SPAG6: variants seen among roughly 807,000 people sequenced by gnomAD.
SPAG6 encodes the protein sperm-associated antigen 6.
SPAG6 carries 49 observed loss-of-function variants against 58.5 expected under a neutral mutation model. The observed-to-expected ratio is 0.84, with a 90% CI of 0.67 to 1.06. The LOEUF (loss-of-function observed/expected upper bound fraction) is 1.06, where lower values mean the gene tolerates loss of function less well. Among genes scored for constraint, SPAG6 ranks in the 50% least tolerant of loss-of-function variants. The pLI, the probability that SPAG6 is intolerant of heterozygous loss-of-function variation, is 0.00. For missense variants in SPAG6, 560 were observed against 611.3 expected (o/e 0.92, Z 0.89); for synonymous variants, 233 against 225.6 (o/e 1.03, Z -0.29).
chr10:22,346,506 C>CT (rs1173348188), intron 2 of SPAG6, among the ~76,000 whole-genome samples: 8 of 143,192 alleles, frequency 5.6e-5, no homozygotes, highest in Non-Finnish European at 1.1e-4. Flanking sequence ...CTTTCTTCTT[C>CT]TTCTTCCTCT....
chr10:22,387,092 G>A, intron 5 of SPAG6, 133 bp downstream of exon 5: 1 of 681,730 alleles, frequency 1.5e-6, no homozygotes, highest in South Asian at 1.8e-5. Flanking sequence ...AATATATTAT[G>A]TATTTGGTCT....
At chr10:22,414,399 A>G (rs1193408832) in intron 10 of SPAG6, among the ~76,000 whole-genome samples, 1 of 152,114 alleles carries the variant, frequency 6.6e-6, no homozygotes, top group Admixed American at 6.5e-5. Flanking sequence ...GTACGCTAAG[A>G]GCTCAGGCTT....
At chr10:22,349,445 C>T (rs1195183846) in intron 2 of SPAG6, among the ~76,000 whole-genome samples, 4 of 152,070 alleles carry the variant, frequency 2.6e-5, no homozygotes, top group Admixed American at 6.5e-5. Context: ...TTACTTCTAC[C>T]AATTGTAAAA....
chr10:22,360,692 A>G (rs766288167), intron 2 of SPAG6: 7 of 581,106 alleles, frequency 1.2e-5, no homozygotes, highest in Non-Finnish European at 2.0e-5. Flanking sequence ...ATTGGATATA[A>G]TATTACATAG....
At chr10:22,354,993 CAAA>C (rs1197423245) in intron 2 of SPAG6, among the ~76,000 whole-genome samples, 3 of 75,494 alleles carry the variant, frequency 4.0e-5, no homozygotes, top group Non-Finnish European at 5.8e-5. Flanking sequence ...GACTCCGTCT[CAAA>C]AAAAAAAAAA....
At chr10:22,414,706 T>C (rs1298632558) in intron 10 of SPAG6, among the ~76,000 whole-genome samples, 2 of 152,208 alleles carry the variant, frequency 1.3e-5, no homozygotes, top group African/African-American at 4.8e-5. Context: ...CTTTTAGATA[T>C]GTTTGGAACC....
At chr10:22,394,931 G>A (rs765195745) in intron 8 of SPAG6, among the ~76,000 whole-genome samples, 4 of 151,970 alleles carry the variant, frequency 2.6e-5, no homozygotes, top group Non-Finnish European at 5.9e-5. Flanking sequence ...GGCTGGTCTT[G>A]AACTCCTGGC....
intron 4 of SPAG6, among the ~76,000 whole-genome samples, chr10:22,372,893 C>T (rs1213036167): frequency 6.6e-6 from 1 of 152,060 alleles, no homozygotes; most frequent in Non-Finnish European, 1.5e-5. Context: ...GATGAGCAGA[C>T]TGAAGTAGAG....
rs1030315749 is a variant in SPAG6 at position 22,375,669 on chromosome 10, C to T, written c.472+6991C>T. Among the ~76,000 whole-genome samples the T allele has an allele frequency of 4.7e-5, 7 of 149,004 alleles. No individual in the cohort carries two copies. In the South Asian group the frequency reaches 1.3e-3, roughly 27 times the overall value. On this transcript the variant is annotated intron_variant, in intron 4 of 10. Coordinates refer to ENST00000376624, the MANE Select transcript of SPAG6 (RefSeq NM_012443.4). ...GGTGTGATCTCGGCAACTTCCCCCT[C>T]CCAGGTTCAAGCGATTCTCCTGCCT... is the stretch of plus-strand genomic sequence containing the variant.
chr10:22,345,686 C>G lies in SPAG6; in HGVS notation c.26-37C>G. The G allele has an allele frequency of 6.3e-7, 1 of 1,591,726 alleles. No homozygotes were observed. Among genetic ancestry groups the G allele is most frequent in the Non-Finnish European group, 8.5e-7 (1 of 1,169,904 alleles). On this transcript the variant is annotated intron_variant, in intron 1 of 10. Coordinates refer to ENST00000376624, the MANE Select transcript of SPAG6 (RefSeq NM_012443.4). The surrounding 1 kb of genome is among the most constrained non-coding windows in gnomAD (Gnocchi z 6.3). ...CTAACTAGCTGGCGCCGAGGAGACC[C>G]GGGTGCGGTGGGCTCCACCGACTCT...
chr10:22,369,533 T>C (rs1833636179), intron 4 of SPAG6, among the ~76,000 whole-genome samples: 1 of 152,116 alleles, frequency 6.6e-6, no homozygotes. Context: ...AAAGCAGCAA[T>C]ATAGCCAGGT....
intron 9 of SPAG6, among the ~76,000 whole-genome samples, chr10:22,407,588 A>C: frequency 1.3e-5 from 2 of 149,714 alleles, no homozygotes; most frequent in South Asian, 2.1e-4. Context: ...CTTCATTTCA[A>C]CTTTGGTGAA....
intron 2 of SPAG6, among the ~76,000 whole-genome samples, chr10:22,350,256 CTG>C (rs1331450949): frequency 6.6e-6 from 1 of 152,094 alleles, no homozygotes; most frequent in Non-Finnish European, 1.5e-5. Context: ...TATACACATT[CTG>C]TCTTTGTATA....
intron 4 of SPAG6, among the ~76,000 whole-genome samples, chr10:22,376,153 T>C (rs575127234): frequency 3.0e-3 from 454 of 152,204 alleles, no homozygotes; most frequent in Non-Finnish European, 4.7e-3. Context: ...TGGAGCAACT[T>C]GGGTATGTGA....
At chr10:22,413,842 T>G (rs903553928) in intron 10 of SPAG6, among the ~76,000 whole-genome samples, 7 of 152,130 alleles carry the variant, frequency 4.6e-5, no homozygotes, top group African/African-American at 1.7e-4. Flanking sequence ...CAAAATAGTT[T>G]CATTTTTACA....
chr10:22,354,599 T>C lies in SPAG6; in HGVS notation c.121+8781T>C, dbSNP rs533734859. On this transcript the variant is annotated intron_variant, in intron 2 of 10. Transcript: ENST00000376624. ...TTTCCTCATGTAATTGTAAATATGT[T>C]AAGTTCCAATCATTTTATCTGGAGT... Among the ~76,000 whole-genome samples, 194 of 152,342 alleles carry C rather than the reference T, an allele frequency of 1.3e-3. 1 individual carries two copies. Among genetic ancestry groups the C allele is most frequent in the African/African-American group, 4.0e-3 (165 of 41,574 alleles).
At chr10:22,395,759 G>A (rs1197471566) in intron 8 of SPAG6, among the ~76,000 whole-genome samples, 3 of 152,096 alleles carry the variant, frequency 2.0e-5, no homozygotes, top group Non-Finnish European at 4.4e-5. Flanking sequence ...TTTTTGTGTT[G>A]TATCTAAGAA....
At position 22,386,974 on chromosome 10, in the gene SPAG6, G is replaced by A. The variant is rs761283562; in HGVS notation, c.678+15G>A. ...CTAAATTGAAGGTATTTCAAAATAA[G>A]GTTGAAAAATACATCAGCCTTCTTA... is the stretch of plus-strand genomic sequence containing the variant. On this transcript the variant is annotated intron_variant, in intron 5 of 10. Coordinates refer to ENST00000376624, the MANE Select transcript of SPAG6 (RefSeq NM_012443.4). 6.3e-7 allele frequency: 1 copy of A among 1,598,366 alleles called. No homozygotes were observed. The highest frequency in any genetic ancestry group is 8.6e-7 in the Non-Finnish European group (1 of 1,167,146).
intron 9 of SPAG6, among the ~76,000 whole-genome samples, chr10:22,407,946 T>G (rs1458434319): frequency 6.7e-6 from 1 of 148,414 alleles, no homozygotes; most frequent in Admixed American, 6.6e-5. Flanking sequence ...CTGAGGCTTC[T>G]GCATTCTTCA....
Sources: gnomAD v4.1 joint callset for allele counts (sites outside exome capture counted in the v4.1 genomes callset) on GRCh38, gnomAD v4.1.1 for gene constraint, Gnocchi (gnomAD v3.1) non-coding constraint, MANE v1.5 for transcripts, NCBI Gene and HGNC (gene_info 2026-07-23, HGNC 2026-07-21) for gene names.